Variants in PDCD2L observed in about 807,000 individuals in gnomAD.
The protein encoded by PDCD2L is programmed cell death 2 like.
In PDCD2L, 44 loss-of-function variants were observed where a neutral mutation model predicts 40.4. That is an observed-to-expected ratio of 1.09 (90% confidence interval 0.86 to 1.40). PDCD2L has a LOEUF of 1.40. PDCD2L is among the 40% of genes most tolerant of loss of function. PDCD2L has a pLI of 0.00. For missense variants in PDCD2L, 470 were observed against 453.7 expected (o/e 1.04, Z -0.33); for synonymous variants, 194 against 174.6 (o/e 1.11, Z -0.88).
intron 4 of PDCD2L, among the ~76,000 whole-genome samples, chr19:34,410,204 A>G (rs553903920): frequency 3.3e-5 from 5 of 152,178 alleles, no homozygotes; most frequent in East Asian, 1.9e-4. Flanking sequence ...GGCTCAGGCA[A>G]TCTATCTTAG....
At chr19:34,420,593 G>T (rs2075145932) in intron 5 of PDCD2L, among the ~76,000 whole-genome samples, 1 of 151,794 alleles carries the variant, frequency 6.6e-6, no homozygotes, top group Admixed American at 6.6e-5. Context: ...TTTGAGACCA[G>T]TCTGGGCATT....
At chr19:34,406,843 T>C (rs1250151942) in intron 3 of PDCD2L, among the ~76,000 whole-genome samples, 1 of 147,762 alleles carries the variant, frequency 6.8e-6, no homozygotes, top group African/African-American at 2.5e-5. Flanking sequence ...TTTTTTTTTT[T>C]TTTTTTGAGA....
Position 34,409,334 on chromosome 19 carries a change from T to C in PDCD2L, c.510T>C (p.Ala170=), listed in dbSNP as rs757352755. Residue 170 remains alanine, a synonymous_variant, in exon 4 of 7, where the codon GCT becomes GCC. Transcript: ENST00000246535. ...TCCAAGACCTCCGCCTGCAGGATGC[T>C]GTCCTGGGTGCTGCCCATCCTGTGC... The part of the protein sequence containing the change: ...ARLQDLRLQD[A]VLGAAHPVPP... The C allele has an allele frequency of 6.2e-7, 1 of 1,614,052 alleles. No individual in the cohort carries two copies. The highest frequency in any genetic ancestry group is 1.7e-5 in the Admixed American group (1 of 59,996).
chr19:34,408,488 C>T (rs1482939586), intron 3 of PDCD2L, among the ~76,000 whole-genome samples: 2 of 152,110 alleles, frequency 1.3e-5, no homozygotes, highest in African/African-American at 2.4e-5. Flanking sequence ...TGCCACCATG[C>T]CTGGCTTTTA....
chr19:34,420,781 G>A (rs1367316852), intron 5 of PDCD2L, among the ~76,000 whole-genome samples: 4 of 124,816 alleles, frequency 3.2e-5, no homozygotes, highest in African/African-American at 1.1e-4. Context: ...AACAGAAAAA[G>A]GCTTTATCTA....
intron 4 of PDCD2L, among the ~76,000 whole-genome samples, chr19:34,411,983 T>TATATATAA (rs991877760): frequency 4.8e-4 from 70 of 145,298 alleles, no homozygotes; most frequent in Non-Finnish European, 9.0e-4. Flanking sequence ...TATATATATA[T>TATATATAA]AAAATAAATA....
chr19:34,409,900 T>C (rs1363727324), intron 4 of PDCD2L, among the ~76,000 whole-genome samples: 1 of 152,194 alleles, frequency 6.6e-6, no homozygotes, highest in Admixed American at 6.5e-5. Context: ...GCCATTTGTT[T>C]ATTGACTCTT....
intron 4 of PDCD2L, among the ~76,000 whole-genome samples, chr19:34,412,300 G>A (rs2075107605): frequency 6.6e-6 from 1 of 152,080 alleles, no homozygotes; most frequent in Admixed American, 6.6e-5. Context: ...TTACAGGTGT[G>A]AGCCACTGTG....
chr19:34,423,561 C>T (rs2075162817), intron 6 of PDCD2L, among the ~76,000 whole-genome samples: 1 of 135,578 alleles, frequency 7.4e-6, no homozygotes, highest in African/African-American at 2.8e-5. Context: ...GTGGCACTAT[C>T]TCGGCTCATT....
rs1555724388 is a variant in PDCD2L at position 34,410,762 on chromosome 19, T to TTTTATTTATTTATTTA, written c.686+1272_686+1287dup. On this transcript the variant is annotated intron_variant, in intron 4 of 6. Transcript: ENST00000246535. ...TTGATGGTTATAAGGACTTTTTATT[T>TTTTATTTATTTATTTA]TTTATTTATTTATTTATTTATTTAT... 4.8e-3 allele frequency among the ~76,000 whole-genome samples: 698 copies of TTTTATTTATTTATTTA among 146,292 alleles called. 4 individuals are homozygous for TTTTATTTATTTATTTA. The highest frequency in any genetic ancestry group is 0.016 in the African/African-American group (660 of 40,004).
In PDCD2L at chr19:34,405,005, T is replaced by G; in HGVS notation, c.336+15T>G. ...AGGACGCTCAGGTAAAGGTTGTGATTGGCATGTTATTGTTTTTCTGTCATT... is the reference window on the plus strand; with the variant it reads ...AGGACGCTCAGGTAAAGGTTGTGATGGGCATGTTATTGTTTTTCTGTCATT... On this transcript the variant is annotated intron_variant, in intron 3 of 6. Coordinates refer to ENST00000246535, the MANE Select transcript of PDCD2L (RefSeq NM_032346.2). 1 of 1,613,874 alleles carries G rather than the reference T, an allele frequency of 6.2e-7. No individual in the cohort carries two copies. The highest frequency in any genetic ancestry group is 8.5e-7 in the Non-Finnish European group (1 of 1,179,812).
chr19:34,414,946 C>T (rs1308287467), intron 5 of PDCD2L, among the ~76,000 whole-genome samples: 1 of 151,692 alleles, frequency 6.6e-6, no homozygotes, highest in Non-Finnish European at 1.5e-5. Context: ...GAGTGTGCCA[C>T]CATGTTTGGC....
intron 5 of PDCD2L, among the ~76,000 whole-genome samples, chr19:34,416,439 C>T (rs1009653842): frequency 6.6e-6 from 1 of 152,144 alleles, no homozygotes; most frequent in East Asian, 1.9e-4. Context: ...ATTTCGCCTC[C>T]ATTCGAGTGG....
rs771255044 is a variant in PDCD2L, at chr19:34,404,995, A to C, written c.336+5A>C. On this transcript the variant is annotated splice_donor_5th_base_variant and intron_variant, in intron 3 of 6. Transcript: ENST00000246535. ...AGAGAGGCGCAGGACGCTCAGGTAA[A>C]GGTTGTGATTGGCATGTTATTGTTT... The C allele has an allele frequency of 1.9e-5, 30 of 1,613,894 alleles. No homozygotes were observed. In the Admixed American group the frequency reaches 4.7e-4, roughly 25 times the overall value.
At chr19:34,415,031 C>G (rs2075121113) in intron 5 of PDCD2L, among the ~76,000 whole-genome samples, 1 of 152,172 alleles carries the variant, frequency 6.6e-6, no homozygotes, top group South Asian at 2.1e-4. Flanking sequence ...CTCCTGGCCT[C>G]AAGTGATCCT....
intron 5 of PDCD2L, among the ~76,000 whole-genome samples, chr19:34,419,823 C>T (rs1425350598): frequency 1.3e-4 from 8 of 62,966 alleles, no homozygotes; most frequent in African/African-American, 2.6e-4. Context: ...CTGTTGCTTG[C>T]GTAGGCTGGA....
chr19:34,420,657 T>C (rs1198030873), intron 5 of PDCD2L, among the ~76,000 whole-genome samples: 2 of 151,812 alleles, frequency 1.3e-5, no homozygotes, highest in Non-Finnish European at 1.5e-5. Flanking sequence ...CTGGGTATGG[T>C]GATGCGCCTC....
intron 6 of PDCD2L, among the ~76,000 whole-genome samples, chr19:34,424,744 C>CCTTT (rs2075168045): frequency 1.4e-5 from 1 of 74,006 alleles, no homozygotes; most frequent in Non-Finnish European, 3.6e-5. Context: ...GCCATTTTTT[C>CCTTT]ATTTTTTTTT....
chr19:34,410,798 T>TTG (rs1216819007), intron 4 of PDCD2L, among the ~76,000 whole-genome samples: 97 of 34,386 alleles, frequency 2.8e-3, no homozygotes, highest in Non-Finnish European at 5.8e-3. Context: ...TTATTTATTT[T>TTG]TGTGTGTGTG....
Sources: allele counts gnomAD v4.1 joint callset (sites outside exome capture counted in the v4.1 genomes callset), GRCh38; gene constraint gnomAD v4.1.1; transcripts MANE v1.5; gene names NCBI Gene and HGNC (gene_info 2026-07-23, HGNC 2026-07-21).